Variants in SPOCK1 observed in about 807,000 individuals in gnomAD.
SPOCK1 encodes the protein SPARC (osteonectin), cwcv and kazal like domains proteoglycan 1.
Under a neutral mutation model 55.3 loss-of-function variants are expected in SPOCK1, and 23 were observed. The ratio of observed to expected loss-of-function variants is 0.42; its 90% CI spans 0.30 to 0.59. The LOEUF is 0.59. Ranked by LOEUF, SPOCK1 falls within the 20% of genes least tolerant of loss-of-function variation. SPOCK1 has a pLI of 0.22. For missense variants in SPOCK1, 499 were observed against 552.5 expected (o/e 0.90, Z 0.97); for synonymous variants, 226 against 221.0 (o/e 1.02, Z -0.20).
chr5:137,429,229 T>C (rs1168934527), intron 2 of SPOCK1, among the ~76,000 whole-genome samples: 2 of 152,146 alleles, frequency 1.3e-5, no homozygotes, highest in Non-Finnish European at 1.5e-5. Flanking sequence ...TCTCTGGAAA[T>C]AGACGTGACT....
chr5:137,042,085 T>G (rs985787082), intron 6 of SPOCK1, among the ~76,000 whole-genome samples: 1 of 152,034 alleles, frequency 6.6e-6, no homozygotes, highest in Non-Finnish European at 1.5e-5. Flanking sequence ...AAACAAACTA[T>G]GAAACATCCA....
intron 5 of SPOCK1, among the ~76,000 whole-genome samples, chr5:137,108,893 C>T (rs1436636934): frequency 6.6e-6 from 1 of 152,184 alleles, no homozygotes; most frequent in Non-Finnish European, 1.5e-5. Flanking sequence ...GCAACCTTCC[C>T]ATATCCAAAA....
intron 2 of SPOCK1, among the ~76,000 whole-genome samples, chr5:137,355,807 C>A (rs1213993970): frequency 6.6e-6 from 1 of 152,174 alleles, no homozygotes; most frequent in Non-Finnish European, 1.5e-5. Context: ...CATAGCCCAG[C>A]CCCCAGGTGG....
chr5:137,487,828 T>C (rs116584659), intron 2 of SPOCK1, among the ~76,000 whole-genome samples: 101 of 152,276 alleles, frequency 6.6e-4, no homozygotes, highest in African/African-American at 2.4e-3. Context: ...CTCATGACAA[T>C]AGCTGTTGCT....
At position 137,400,571 on chromosome 5, in the gene SPOCK1, T is replaced by A. The variant is rs114438448; in HGVS notation, c.186+97802A>T. On this transcript the variant is annotated intron_variant, in intron 2 of 10. Transcript: ENST00000394945. The stretch of plus-strand genomic sequence containing the variant: ...CCTAGAAAAAAAGTGCCTTGGATCA[T>A]AATATATTACTCCTGCTTTGAGGAA... 7.7e-4 allele frequency among the ~76,000 whole-genome samples: 118 copies of A among 152,270 alleles called. 1 individual carries two copies. Among genetic ancestry groups the A allele is most frequent in the African/African-American group, 2.8e-3 (117 of 41,564 alleles).
At chr5:137,302,302 G>A (rs918621447) in intron 2 of SPOCK1, among the ~76,000 whole-genome samples, 12 of 152,042 alleles carry the variant, frequency 7.9e-5, no homozygotes, top group Non-Finnish European at 1.3e-4. Context: ...GGGCGCGGTG[G>A]CTCACGCCTG....
At chr5:137,110,986 G>T (rs1753458164) in intron 5 of SPOCK1, among the ~76,000 whole-genome samples, 1 of 152,068 alleles carries the variant, frequency 6.6e-6, no homozygotes, top group Non-Finnish European at 1.5e-5. Flanking sequence ...CTTCTCCTTT[G>T]TTAGAAAAAT....
intron 2 of SPOCK1, among the ~76,000 whole-genome samples, chr5:137,456,040 GGAA>G (rs1753359993): frequency 6.6e-6 from 1 of 151,796 alleles, no homozygotes; most frequent in South Asian, 2.1e-4. Flanking sequence ...AAATGGAGGA[GGAA>G]GAAGAAAAAA....
At chr5:137,407,721 C>A (rs908832005) in intron 2 of SPOCK1, among the ~76,000 whole-genome samples, 1 of 152,210 alleles carries the variant, frequency 6.6e-6, no homozygotes, top group Non-Finnish European at 1.5e-5. Flanking sequence ...CTCCCCCCAA[C>A]ACAAAACAGA....
intron 6 of SPOCK1, among the ~76,000 whole-genome samples, chr5:137,051,652 A>G (rs566212386): frequency 6.6e-6 from 1 of 152,350 alleles, no homozygotes; most frequent in African/African-American, 2.4e-5. Context: ...TGAACTACAT[A>G]TGAAGAATTC....
At chr5:137,346,326 T>G (rs1371311860) in intron 2 of SPOCK1, among the ~76,000 whole-genome samples, 2 of 152,194 alleles carry the variant, frequency 1.3e-5, no homozygotes, top group Non-Finnish European at 2.9e-5. Flanking sequence ...CCTCCTTCCC[T>G]GCACCCCTCC....
intron 2 of SPOCK1, among the ~76,000 whole-genome samples, chr5:137,330,517 G>A (rs1378580407): frequency 6.6e-6 from 1 of 152,182 alleles, no homozygotes; most frequent in Non-Finnish European, 1.5e-5. Context: ...AAAGCTAGAA[G>A]CAAAAATTAA....
intron 2 of SPOCK1, among the ~76,000 whole-genome samples, chr5:137,439,219 A>G (rs1752932864): frequency 6.6e-6 from 1 of 152,198 alleles, no homozygotes; most frequent in South Asian, 2.1e-4. Flanking sequence ...TACACAGGAT[A>G]GTTTCAATGC....
intron 2 of SPOCK1, among the ~76,000 whole-genome samples, chr5:137,475,132 G>C (rs549346806): frequency 6.6e-6 from 1 of 152,306 alleles, no homozygotes; most frequent in East Asian, 1.9e-4. Flanking sequence ...ATGTGATACA[G>C]TGGGAAGTAT....
chr5:137,398,642 A>G (rs1220131903), intron 2 of SPOCK1, among the ~76,000 whole-genome samples: 4 of 152,200 alleles, frequency 2.6e-5, no homozygotes, highest in African/African-American at 9.7e-5. Context: ...GACCACAGCT[A>G]AACAAATACT....
At chr5:137,009,703 G>A (rs1400633604) in intron 6 of SPOCK1, among the ~76,000 whole-genome samples, 2 of 152,102 alleles carry the variant, frequency 1.3e-5, no homozygotes, top group Non-Finnish European at 2.9e-5. Flanking sequence ...AAACCAAAAG[G>A]GAGAAAATAA....
chr5:137,241,485 T>C (rs562359552), intron 3 of SPOCK1, among the ~76,000 whole-genome samples: 5 of 152,308 alleles, frequency 3.3e-5, no homozygotes, highest in Admixed American at 2.0e-4. Context: ...CTGACTGCTA[T>C]GGTTTGGATG....
intron 6 of SPOCK1, among the ~76,000 whole-genome samples, chr5:137,013,425 C>T (rs753134862): frequency 3.3e-5 from 5 of 152,134 alleles, no homozygotes; most frequent in Non-Finnish European, 7.4e-5. Context: ...ACTGCAGCCT[C>T]GTGTTAAAGA....
chr5:137,232,622 C>G (rs1756087484), intron 3 of SPOCK1, among the ~76,000 whole-genome samples: 1 of 152,172 alleles, frequency 6.6e-6, no homozygotes, highest in Non-Finnish European at 1.5e-5. Context: ...AGTGATTCCT[C>G]CTACTTTATT....
Sources: allele counts gnomAD v4.1 joint callset (sites outside exome capture counted in the v4.1 genomes callset), GRCh38; gene constraint gnomAD v4.1.1; transcripts MANE v1.5; gene names NCBI Gene and HGNC (gene_info 2026-07-23, HGNC 2026-07-21).